Variants in MARCHF4 observed in about 807,000 individuals in gnomAD.
MARCHF4 encodes membrane associated ring-CH-type finger 4, also known as E3 ubiquitin-protein ligase MARCHF4.
Under a neutral mutation model 43.9 loss-of-function variants are expected in MARCHF4, and 14 were observed. The observed-to-expected ratio is 0.32, with a 90% CI of 0.21 to 0.50. The LOEUF is 0.50. Ranked by LOEUF, MARCHF4 falls within the 20% of genes least tolerant of loss-of-function variation. The pLI, the probability that MARCHF4 is intolerant of heterozygous loss-of-function variation, is 0.98. For synonymous variants in MARCHF4, 226 were observed against 213.3 expected (o/e 1.06, Z -0.52); for missense variants, 468 against 536.7 (o/e 0.87, Z 1.27).
At chr2:216,280,452 G>A (rs971325378) in intron 2 of MARCHF4, among the ~76,000 whole-genome samples, 10 of 152,204 alleles carry the variant, frequency 6.6e-5, no homozygotes, top group African/African-American at 2.2e-4. Context: ...TGACCTAGGA[G>A]AAGTCAATCA....
chr2:216,294,313 T>C (rs548022879), intron 1 of MARCHF4, among the ~76,000 whole-genome samples: 1 of 152,256 alleles, frequency 6.6e-6, no homozygotes, highest in Non-Finnish European at 1.5e-5. Flanking sequence ...ACCCTCATGG[T>C]GTTCTTTGTA....
At chr2:216,285,717 A>G (rs1691208550) in intron 1 of MARCHF4, among the ~76,000 whole-genome samples, 1 of 152,180 alleles carries the variant, frequency 6.6e-6, no homozygotes, top group Non-Finnish European at 1.5e-5. Context: ...GAGCTGCTAT[A>G]TGACTCTGAA....
intron 1 of MARCHF4, among the ~76,000 whole-genome samples, chr2:216,338,262 C>T (rs2105972973): frequency 6.6e-6 from 1 of 152,294 alleles, no homozygotes; most frequent in African/African-American, 2.4e-5. Flanking sequence ...GTGGTCACTC[C>T]TTGCCTTGTC....
rs80298570 is a variant in MARCHF4 at position 216,265,050 on chromosome 2, G to C, written c.866-5371C>G. ...GGCTCATCTGATAGGAGCAGGTGAC[G>C]TGGCCAAGGTTGAAGAGGTGGGAAA... On this transcript the variant is annotated intron_variant, in intron 3 of 3. Transcript: ENST00000273067. Among the ~76,000 whole-genome samples, 26 of 152,284 alleles carry C rather than the reference G, an allele frequency of 1.7e-4. No homozygotes were observed. In the East Asian group the frequency reaches 4.8e-3, roughly 28 times the overall value.
intron 1 of MARCHF4, among the ~76,000 whole-genome samples, chr2:216,337,948 G>C (rs1692182064): frequency 6.6e-6 from 1 of 152,142 alleles, no homozygotes; most frequent in African/African-American, 2.4e-5. Flanking sequence ...ACAGATATTT[G>C]ATCAGAAATG....
chr2:216,347,263 A>T (rs1419878939), intron 1 of MARCHF4, among the ~76,000 whole-genome samples: 3 of 152,216 alleles, frequency 2.0e-5, no homozygotes, highest in African/African-American at 7.2e-5. Context: ...TTCTAAGAGA[A>T]GGGGATCCAC....
chr2:216,333,881 G>A (rs1559101969), intron 1 of MARCHF4, among the ~76,000 whole-genome samples: 2 of 152,152 alleles, frequency 1.3e-5, no homozygotes, highest in East Asian at 3.9e-4. Context: ...GGAAACTTTT[G>A]TGACATGGTG....
chr2:216,302,364 G>T (rs952617091), intron 1 of MARCHF4, among the ~76,000 whole-genome samples: 2 of 149,346 alleles, frequency 1.3e-5, no homozygotes, highest in African/African-American at 4.9e-5. Context: ...GACTACAGGC[G>T]CCTGCCACCA....
chr2:216,347,070 T>G (rs918291385), intron 1 of MARCHF4, among the ~76,000 whole-genome samples: 1 of 152,202 alleles, frequency 6.6e-6, no homozygotes, highest in East Asian at 1.9e-4. Context: ...CTGCCATGAT[T>G]GTCAGTTTCC....
intron 1 of MARCHF4, among the ~76,000 whole-genome samples, chr2:216,326,626 C>A (rs908052470): frequency 1.9e-4 from 29 of 152,118 alleles, no homozygotes; most frequent in South Asian, 1.0e-3. Context: ...GAATACTATG[C>A]AGCCGTAAAA....
At chr2:216,308,836 G>C (rs780455709) in intron 1 of MARCHF4, among the ~76,000 whole-genome samples, 1 of 152,186 alleles carries the variant, frequency 6.6e-6, no homozygotes, top group East Asian at 1.9e-4. Flanking sequence ...ATCCTGGTTT[G>C]ATTCTAATTA....
Position 216,266,405 on chromosome 2 carries a change from C to A in MARCHF4, c.866-6726G>T, listed in dbSNP as rs189383010. On this transcript the variant is annotated intron_variant, in intron 3 of 3. Coordinates refer to ENST00000273067, the MANE Select transcript of MARCHF4 (RefSeq NM_020814.3). ...GGAGATTACAGGACACAAGAAAAGCCCACTCATCTCTCTTCCTCCTTCTTC... is the reference window on the plus strand; with the variant it reads ...GGAGATTACAGGACACAAGAAAAGCACACTCATCTCTCTTCCTCCTTCTTC... 2.5e-3 allele frequency among the ~76,000 whole-genome samples: 381 copies of A among 152,200 alleles called. 9 individuals carry two copies. The highest frequency in any genetic ancestry group is 0.024 in the Admixed American group (370 of 15,282).
At chr2:216,283,833 G>C in intron 1 of MARCHF4, 104 bp from the exon 2 acceptor site, 2 of 1,247,952 alleles carry the variant, frequency 1.6e-6, no homozygotes, top group Non-Finnish European at 2.2e-6. Context: ...AGCCACCCAA[G>C]TAGGCCACAG....
chr2:216,368,723 C>T (rs1258990559), intron 1 of MARCHF4, among the ~76,000 whole-genome samples: 1 of 152,238 alleles, frequency 6.6e-6, no homozygotes, highest in Non-Finnish European at 1.5e-5. Flanking sequence ...GATAGGAACA[C>T]ATAACCTTGC....
chr2:216,358,235 C>G (rs540616448), intron 1 of MARCHF4, among the ~76,000 whole-genome samples: 2 of 152,270 alleles, frequency 1.3e-5, no homozygotes, highest in South Asian at 2.1e-4. Flanking sequence ...ACATCTACTG[C>G]ACAGTAACAA....
chr2:216,289,876 G>A (rs570982442), intron 1 of MARCHF4, among the ~76,000 whole-genome samples: 17 of 152,322 alleles, frequency 1.1e-4, no homozygotes, highest in African/African-American at 3.8e-4. Context: ...AGACTAATAT[G>A]GTGGTGAAAA....
intron 1 of MARCHF4, among the ~76,000 whole-genome samples, chr2:216,309,460 G>T (rs918449721): frequency 3.9e-5 from 6 of 152,094 alleles, no homozygotes; most frequent in African/African-American, 1.4e-4. Context: ...CGTGGTCCAC[G>T]TGAAGCTAAA....
chr2:216,311,380 C>T (rs1691683964), intron 1 of MARCHF4, among the ~76,000 whole-genome samples: 1 of 152,130 alleles, frequency 6.6e-6, no homozygotes, highest in Admixed American at 6.5e-5. Flanking sequence ...GCCTCATCCT[C>T]CTGAGTAGCT....
chr2:216,321,852 C>G (rs1305570822), intron 1 of MARCHF4: 2 of 152,202 alleles, frequency 1.3e-5, no homozygotes, highest in Admixed American at 1.3e-4. Flanking sequence ...GAAGCCCATT[C>G]CTCCAGGAAG....
Sources: gnomAD v4.1 joint callset for allele counts (sites outside exome capture counted in the v4.1 genomes callset) on GRCh38, gnomAD v4.1.1 for gene constraint, MANE v1.5 for transcripts, NCBI Gene and HGNC (gene_info 2026-07-23, HGNC 2026-07-21) for gene names.